The following DLGAP2 variants were observed in gnomAD, a reference collection of about 807,000 sequenced individuals.
The protein encoded by DLGAP2 is disks large-associated protein 2.
Under a neutral mutation model 100.3 loss-of-function variants are expected in DLGAP2, and 26 were observed. The observed-to-expected ratio is 0.26, with a 90% confidence interval of 0.19 to 0.36. The LOEUF is 0.36. Among genes scored for constraint, DLGAP2 ranks in the 10% least tolerant of loss-of-function variants. The pLI, the probability that DLGAP2 is intolerant of heterozygous loss-of-function variation, is 1.00. For missense variants in DLGAP2, 1,858 were observed against 1,453.2 expected (o/e 1.28, Z -4.53); for synonymous variants, 886 against 630.1 (o/e 1.41, Z -6.08).
At chr8:767,424 C>T (rs986426956) in intron 1 of DLGAP2, among the ~76,000 whole-genome samples, 2 of 146,506 alleles carry the variant, frequency 1.4e-5, no homozygotes, top group East Asian at 2.0e-4. Context: ...CATCTTGACT[C>T]GGTCTTGGCT....
At chr8:986,168 G>A (rs76778919) in intron 2 of DLGAP2, among the ~76,000 whole-genome samples, 113 of 152,228 alleles carry the variant, frequency 7.4e-4, no homozygotes, top group African/African-American at 2.6e-3. Flanking sequence ...GAGTGTGACT[G>A]GTTGGGAAGA....
chr8:1,191,221 G>GA (rs1797628201), intron 2 of DLGAP2, among the ~76,000 whole-genome samples: 1 of 132,068 alleles, frequency 7.6e-6, no homozygotes, highest in South Asian at 2.6e-4. Flanking sequence ...ACCCAGGCTG[G>GA]AGTACAGTGG....
intron 2 of DLGAP2, among the ~76,000 whole-genome samples, chr8:1,174,047 T>C (rs954916180): frequency 6.6e-6 from 1 of 152,166 alleles, no homozygotes; most frequent in African/African-American, 2.4e-5. Flanking sequence ...CCATTGTTCA[T>C]GACACAGCTA....
intron 1 of DLGAP2, 113 bp downstream of exon 1, chr8:737,938 G>A (rs908695505): frequency 3.7e-5 from 13 of 352,192 alleles, no homozygotes; most frequent in African/African-American, 2.8e-4. Context: ...GTCAGGGTTG[G>A]GGGCGGGGGC....
intron 6 of DLGAP2, among the ~76,000 whole-genome samples, chr8:1,596,426 T>C (rs1229704706): frequency 6.6e-6 from 1 of 152,238 alleles, no homozygotes; most frequent in Non-Finnish European, 1.5e-5. Flanking sequence ...TTTCCAGTTC[T>C]AGATCCTTGA....
chr8:1,614,075 G>A (rs562249271), intron 6 of DLGAP2, among the ~76,000 whole-genome samples: 1 of 152,272 alleles, frequency 6.6e-6, no homozygotes, highest in Non-Finnish European at 1.5e-5. Flanking sequence ...GGTGGGGGAG[G>A]CTGGTTCACT....
intron 3 of DLGAP2, among the ~76,000 whole-genome samples, chr8:1,333,662 A>G (rs1024566077): frequency 6.6e-6 from 1 of 152,182 alleles, no homozygotes; most frequent in African/African-American, 2.4e-5. Flanking sequence ...TTGTGTGCCG[A>G]TGTAACCGCG....
chr8:1,004,280 A>G (rs1336651889), intron 2 of DLGAP2, among the ~76,000 whole-genome samples: 1 of 152,214 alleles, frequency 6.6e-6, no homozygotes, highest in Non-Finnish European at 1.5e-5. Flanking sequence ...TGCCATTGGC[A>G]AGCGTGACAG....
chr8:1,696,595 G>T (rs917062990), intron 13 of DLGAP2, among the ~76,000 whole-genome samples: 1 of 152,232 alleles, frequency 6.6e-6, no homozygotes, highest in African/African-American at 2.4e-5. Flanking sequence ...ACTCGGCCCA[G>T]GGCTGCAGCC....
intron 3 of DLGAP2, among the ~76,000 whole-genome samples, chr8:1,432,990 C>T (rs945167702): frequency 4.6e-5 from 7 of 152,108 alleles, no homozygotes; most frequent in African/African-American, 9.7e-5. Context: ...GACTCACAGG[C>T]GGCTGGACCT....
intron 4 of DLGAP2, among the ~76,000 whole-genome samples, chr8:1,515,504 A>C (rs1013815824): frequency 4.6e-5 from 7 of 152,228 alleles, no homozygotes; most frequent in African/African-American, 7.2e-5. Flanking sequence ...ATGTGCACAC[A>C]CACACACAGG....
intron 2 of DLGAP2, among the ~76,000 whole-genome samples, chr8:1,023,220 C>T (rs1801678789): frequency 6.6e-6 from 1 of 152,128 alleles, no homozygotes; most frequent in South Asian, 2.1e-4. Context: ...AGTATCTGGT[C>T]AGGTTGTTCT....
intron 3 of DLGAP2, among the ~76,000 whole-genome samples, chr8:1,443,306 G>C (rs549139111): frequency 6.6e-6 from 1 of 151,248 alleles, no homozygotes; most frequent in Non-Finnish European, 1.5e-5. Flanking sequence ...AGAGATAATC[G>C]CGGGTAACAT....
At chr8:796,085 G>T (rs35689472) in intron 1 of DLGAP2, among the ~76,000 whole-genome samples, 19,223 of 126,782 alleles carry the variant, frequency 0.15, 341 homozygotes, top group African/African-American at 0.25. Flanking sequence ...CGTCCAGTGA[G>T]AGCAGGCGTC....
At chr8:993,661 G>A (rs1012436923) in intron 2 of DLGAP2, among the ~76,000 whole-genome samples, 1 of 152,098 alleles carries the variant, frequency 6.6e-6, no homozygotes, top group Non-Finnish European at 1.5e-5. Context: ...GGGCGATTCT[G>A]CCATTTAGCC....
At chr8:1,170,589 G>A (rs13279777) in intron 2 of DLGAP2, among the ~76,000 whole-genome samples, 108,317 of 128,582 alleles carry the variant, frequency 0.84, 46,157 homozygotes, top group Non-Finnish European at 0.87. Context: ...CAGAGATTCA[G>A]CTTCTTCCTG....
At chr8:1,360,080 C>A (rs1325013499) in intron 3 of DLGAP2, among the ~76,000 whole-genome samples, 1 of 152,154 alleles carries the variant, frequency 6.6e-6, no homozygotes, top group Non-Finnish European at 1.5e-5. Context: ...TGAGGAAATC[C>A]ACCGAAGCCC....
chr8:836,557 T>A (rs1796879977), intron 1 of DLGAP2, among the ~76,000 whole-genome samples: 1 of 152,108 alleles, frequency 6.6e-6, no homozygotes, highest in Non-Finnish European at 1.5e-5. Flanking sequence ...TCTGCCGGGG[T>A]GACCCTCTGC....
chr8:1,039,043 G>T (rs1297428597), intron 2 of DLGAP2, among the ~76,000 whole-genome samples: 1 of 152,182 alleles, frequency 6.6e-6, no homozygotes, highest in African/African-American at 2.4e-5. Context: ...CGGAAACTTA[G>T]TTTTCAGCCC....
Sources: gnomAD v4.1 joint callset for allele counts (sites outside exome capture counted in the v4.1 genomes callset) on GRCh38, gnomAD v4.1.1 for gene constraint, MANE v1.5 for transcripts, NCBI Gene and HGNC (gene_info 2026-07-23, HGNC 2026-07-21) for gene names.